Variants in MRPL48 observed in about 807,000 individuals in gnomAD.
The protein encoded by MRPL48 is large ribosomal subunit protein mL48.
MRPL48 carries 16 observed loss-of-function variants against 32.9 expected under a neutral mutation model. The ratio of observed to expected loss-of-function variants is 0.49; its 90% CI spans 0.33 to 0.74. The LOEUF is 0.74. Among genes scored for constraint, MRPL48 ranks in the 30% least tolerant of loss-of-function variants. The pLI is 0.02. For missense variants in MRPL48, 206 were observed against 245.3 expected (o/e 0.84, Z 1.07); for synonymous variants, 94 against 89.2 (o/e 1.05, Z -0.31).
intron 5 of MRPL48, among the ~76,000 whole-genome samples, chr11:73,857,886 T>A (rs1477031741): frequency 6.6e-6 from 1 of 151,384 alleles, no homozygotes; most frequent in African/African-American, 2.4e-5. Flanking sequence ...AGCCACCGCA[T>A]GCATAGACTT....
At chr11:73,808,988 T>C (rs747384641) in intron 3 of MRPL48, among the ~76,000 whole-genome samples, 2 of 151,606 alleles carry the variant, frequency 1.3e-5, no homozygotes, top group African/African-American at 2.4e-5. Context: ...CAAAAATTTT[T>C]TTAAAAATTA....
Position 73,833,995 on chromosome 11 carries a change from T to C in MRPL48, c.201+8199T>C, listed in dbSNP as rs1377385237. Among the ~76,000 whole-genome samples the C allele has an allele frequency of 2.0e-5, 3 of 152,074 alleles. No homozygotes were observed. In the East Asian group the frequency reaches 5.8e-4, roughly 29 times the overall value. ...CCTCAGCCTCCTAAGTAATTGGGAT[T>C]ATAGGTGCGCCCCACCACACCTGGC... is the stretch of plus-strand genomic sequence containing the variant. On this transcript the variant is annotated intron_variant, in intron 4 of 7. Transcript: ENST00000310614.
intron 4 of MRPL48, among the ~76,000 whole-genome samples, chr11:73,836,495 T>C (rs941863494): frequency 6.6e-6 from 1 of 152,246 alleles, no homozygotes; most frequent in African/African-American, 2.4e-5. Flanking sequence ...CACCGTGCCC[T>C]TCCAAAAATG....
intron 4 of MRPL48, among the ~76,000 whole-genome samples, chr11:73,833,229 C>T (rs1015548331): frequency 6.6e-6 from 1 of 151,716 alleles, no homozygotes; most frequent in Non-Finnish European, 1.5e-5. Context: ...CTTGGGGTAG[C>T]TGTTGACACA....
At chr11:73,809,962 G>A (rs1454339826) in intron 3 of MRPL48, among the ~76,000 whole-genome samples, 3 of 151,958 alleles carry the variant, frequency 2.0e-5, no homozygotes, top group African/African-American at 7.3e-5. Flanking sequence ...CAAAATAATG[G>A]GCTTCTTTTT....
At chr11:73,857,466 G>A (rs1948503403) in intron 5 of MRPL48, among the ~76,000 whole-genome samples, 1 of 150,568 alleles carries the variant, frequency 6.6e-6, no homozygotes. Context: ...TCTAAATAGA[G>A]ACAGGGTCTC....
chr11:73,848,135 G>A (rs1948328555), intron 5 of MRPL48, among the ~76,000 whole-genome samples: 3 of 151,404 alleles, frequency 2.0e-5, no homozygotes, highest in South Asian at 4.2e-4. Context: ...ATTTAGGTCT[G>A]TGATCCATTT....
intron 1 of MRPL48, among the ~76,000 whole-genome samples, chr11:73,790,287 T>C (rs1010732434): frequency 6.7e-6 from 1 of 149,754 alleles, no homozygotes; most frequent in Non-Finnish European, 1.5e-5. Context: ...GCCAGGATGG[T>C]CTCTATCTCC....
chr11:73,830,267 T>C (rs763105637), intron 4 of MRPL48, among the ~76,000 whole-genome samples: 3 of 152,214 alleles, frequency 2.0e-5, no homozygotes, highest in African/African-American at 4.8e-5. Flanking sequence ...TATAACCCAC[T>C]ATCTGCAAAC....
intron 1 of MRPL48, among the ~76,000 whole-genome samples, chr11:73,804,183 G>T (rs1947406500): frequency 6.6e-6 from 1 of 152,158 alleles, no homozygotes; most frequent in Non-Finnish European, 1.5e-5. Flanking sequence ...CTCCCAAAGT[G>T]CTGGGATTAT....
chr11:73,855,053 C>T (rs1948462724), intron 5 of MRPL48, among the ~76,000 whole-genome samples: 1 of 152,172 alleles, frequency 6.6e-6, no homozygotes, highest in Non-Finnish European at 1.5e-5. Context: ...ATATAATGTA[C>T]ATAGAACTAT....
intron 6 of MRPL48, among the ~76,000 whole-genome samples, chr11:73,862,554 G>A (rs1391409765): frequency 6.6e-6 from 1 of 152,152 alleles, no homozygotes; most frequent in African/African-American, 2.4e-5. Context: ...AACTGAGATA[G>A]CGCCACTTCA....
intron 5 of MRPL48, among the ~76,000 whole-genome samples, chr11:73,845,677 G>A (rs1235509470): frequency 6.6e-6 from 1 of 152,212 alleles, no homozygotes; most frequent in Admixed American, 6.5e-5. Flanking sequence ...GGGTGAGGCG[G>A]GAGGATAGCT....
chr11:73,808,851 A>T (rs1212322549), intron 3 of MRPL48, among the ~76,000 whole-genome samples: 1 of 151,848 alleles, frequency 6.6e-6, no homozygotes, highest in East Asian at 1.9e-4. Flanking sequence ...TGAGCTCGGG[A>T]GGCGGAGGTT....
chr11:73,813,547 A>C (rs1947606674), intron 3 of MRPL48, among the ~76,000 whole-genome samples: 1 of 152,096 alleles, frequency 6.6e-6, no homozygotes, highest in East Asian at 1.9e-4. Flanking sequence ...AACTTTTAAT[A>C]TAGTTCTTAT....
intron 5 of MRPL48, among the ~76,000 whole-genome samples, chr11:73,853,330 C>T (rs1470444032): frequency 6.6e-6 from 1 of 151,920 alleles, no homozygotes; most frequent in Non-Finnish European, 1.5e-5. Flanking sequence ...CATTGTATGC[C>T]TGTATCAAAA....
chr11:73,825,811 G>T lies in MRPL48; in HGVS notation c.201+15G>T, dbSNP rs1254829369. On this transcript the variant is annotated intron_variant, in intron 4 of 7. Coordinates refer to ENST00000310614, the MANE Select transcript of MRPL48 (RefSeq NM_016055.6). ...AAGCAGAAGAGGTAACGGGCAGGGG[G>T]AGTCTTTTGGAAAAGGATAATGTGC... 6 of 1,548,560 alleles carry T rather than the reference G, an allele frequency of 3.9e-6. No homozygotes were observed. The highest frequency in any genetic ancestry group is 1.2e-5 in the South Asian group (1 of 83,842).
chr11:73,819,886 G>A (rs533712643), intron 3 of MRPL48, among the ~76,000 whole-genome samples: 10 of 152,264 alleles, frequency 6.6e-5, no homozygotes, highest in African/African-American at 2.2e-4. Context: ...CAACAGAGCG[G>A]TTCCTGTCTC....
Position 73,825,794 on chromosome 11 carries a change from G to T in MRPL48, c.199G>T (p.Glu67Ter). Residue 67 changes from glutamate to a stop codon, truncating the protein, a stop_gained and splice_region_variant, in exon 4 of 8, where the codon GAG becomes TAG. Transcript: ENST00000310614. LOFTEE classifies it high-confidence loss of function. ...GTACAAGCACTTAATTAAAGCAGAA[G>T]AGGTAACGGGCAGGGGGAGTCTTTT... ...GKYKHLIKAE[E>*]PKKKKGKVEV... is the part of the protein sequence containing the mutation. The T allele has an allele frequency of 1.3e-6, 2 of 1,560,562 alleles. No homozygotes were observed. Among genetic ancestry groups the T allele is most frequent in the Non-Finnish European group, 1.7e-6 (2 of 1,152,156 alleles).
Sources: gnomAD v4.1 joint callset for allele counts (sites outside exome capture counted in the v4.1 genomes callset) on GRCh38, gnomAD v4.1.1 for gene constraint, MANE v1.5 for transcripts, NCBI Gene and HGNC (gene_info 2026-07-23, HGNC 2026-07-21) for gene names.